Variants in EIF2S1 observed in about 807,000 individuals in gnomAD.
EIF2S1 encodes the protein eukaryotic translation initiation factor 2 subunit 1.
In EIF2S1, 5 loss-of-function variants were observed where a neutral mutation model predicts 33.5. The ratio of observed to expected loss-of-function variants is 0.15; its 90% CI spans 0.08 to 0.31. EIF2S1 has a LOEUF of 0.31. EIF2S1 is among the 10% of genes least tolerant of loss of function. EIF2S1 has a pLI of 1.00. For synonymous variants in EIF2S1, 99 were observed against 127.5 expected, an observed-to-expected ratio of 0.78 and a Z score of 1.51; for missense variants, 191 against 384.6, an observed-to-expected ratio of 0.50 and a Z score of 4.21.
At chr14:67,382,840 G>GA (rs1206269241) in intron 7 of EIF2S1, among the ~76,000 whole-genome samples, 2 of 151,104 alleles carry the variant, frequency 1.3e-5, no homozygotes, top group East Asian at 1.9e-4. Flanking sequence ...CAGAATTGGA[G>GA]AAAAAAAAAG....
intron 4 of EIF2S1, among the ~76,000 whole-genome samples, chr14:67,379,654 C>CTTTTTTTTTTTTTTTTTTTTTTTT (rs541791101): frequency 1.9e-4 from 23 of 119,952 alleles, no homozygotes; most frequent in East Asian, 1.5e-3. Flanking sequence ...TTTTCTTTTT[C>CTTTTTTTTTTTTTTTTTTTTTTTT]TTTTTTTTTT....
At position 67,375,364 on chromosome 14, in the gene EIF2S1, T is replaced by C. The variant is rs943001859; in HGVS notation, c.321+817T>C. Among the ~76,000 whole-genome samples, 5 of 151,910 alleles carry C rather than the reference T, an allele frequency of 3.3e-5. No homozygotes were observed. In the East Asian group the frequency reaches 7.7e-4, roughly 24 times the overall value. On this transcript the variant is annotated intron_variant, in intron 3 of 7. Transcript: ENST00000256383. ...ACCTCCTCCTGGGCTCAAGCGATCC[T>C]CTCGCCTCTGCCTCCCGGAATGTTT...
intron 2 of EIF2S1, among the ~76,000 whole-genome samples, chr14:67,371,645 A>G (rs940362558): frequency 6.6e-6 from 1 of 152,208 alleles, no homozygotes; most frequent in African/African-American, 2.4e-5. Context: ...GGTAGTTGTA[A>G]CACAATGGTA....
At chr14:67,363,662 A>C (rs1467251391) in intron 1 of EIF2S1, among the ~76,000 whole-genome samples, 1 of 152,182 alleles carries the variant, frequency 6.6e-6, no homozygotes, top group African/African-American at 2.4e-5. Context: ...ACTAGGGAGA[A>C]AGTTGTACCA....
chr14:67,366,603 T>G (rs2085780557), intron 2 of EIF2S1, among the ~76,000 whole-genome samples: 1 of 152,248 alleles, frequency 6.6e-6, no homozygotes, highest in South Asian at 2.1e-4. Context: ...CAGAATGAGA[T>G]CTGAATATTT....
At chr14:67,375,529 CA>C (rs34486911) in intron 3 of EIF2S1, among the ~76,000 whole-genome samples, 2,640 of 131,026 alleles carry the variant, frequency 0.02, 25 homozygotes, top group Non-Finnish European at 0.031. Context: ...GATAAAATAT[CA>C]AAAAAAAAAA....
At chr14:67,365,595 C>T (rs1409266493) in intron 2 of EIF2S1, among the ~76,000 whole-genome samples, 1 of 152,024 alleles carries the variant, frequency 6.6e-6, no homozygotes, top group Non-Finnish European at 1.5e-5. Context: ...TATTGGATGC[C>T]TTTTCTGGGC....
At chr14:67,367,260 C>G (rs1462706627) in intron 2 of EIF2S1, among the ~76,000 whole-genome samples, 1 of 152,170 alleles carries the variant, frequency 6.6e-6, no homozygotes, top group African/African-American at 2.4e-5. Flanking sequence ...GGGATGGAGT[C>G]TCACTCTGTC....
intron 2 of EIF2S1, among the ~76,000 whole-genome samples, chr14:67,368,903 A>T (rs2141133403): frequency 6.6e-6 from 1 of 152,292 alleles, no homozygotes; most frequent in African/African-American, 2.4e-5. Context: ...AAAGCCAAAG[A>T]TATATTAAAA....
chr14:67,368,344 G>T (rs1257191673), intron 2 of EIF2S1, among the ~76,000 whole-genome samples: 1 of 152,154 alleles, frequency 6.6e-6, no homozygotes, highest in African/African-American at 2.4e-5. Flanking sequence ...ATGGGCTCCA[G>T]ATTGGCTGCT....
Position 67,374,653 on chromosome 14 carries a change from A to G in EIF2S1, c.321+106A>G, listed in dbSNP as rs80120889. On this transcript the variant is annotated intron_variant, in intron 3 of 7. Transcript: ENST00000256383. Reference sequence around the variant, plus strand: ...TACCTTAAAGTATTGCTTATGATCTAATATTCTCAAATTAGTACTAGAAGT... The same window carrying G: ...TACCTTAAAGTATTGCTTATGATCTGATATTCTCAAATTAGTACTAGAAGT... 4.5e-3 allele frequency: 3,086 copies of G among 687,830 alleles called. 72 individuals carry two copies. The East Asian group carries it at 0.06, about 13-fold the overall frequency. 42.6% of individuals were successfully genotyped at this position (687,830 alleles called of 1,614,324 possible).
chr14:67,379,654 C>CTTTTTCTTTT (rs1208544946), intron 4 of EIF2S1, among the ~76,000 whole-genome samples: 3 of 119,950 alleles, frequency 2.5e-5, no homozygotes, highest in South Asian at 5.9e-4. Flanking sequence ...TTTTCTTTTT[C>CTTTTTCTTTT]TTTTTTTTTT....
intron 4 of EIF2S1, among the ~76,000 whole-genome samples, chr14:67,378,560 T>C (rs979363100): frequency 6.6e-6 from 1 of 152,216 alleles, no homozygotes; most frequent in Non-Finnish European, 1.5e-5. Context: ...GAGTTTGCAC[T>C]ATTAGCCATT....
chr14:67,378,579 C>G (rs2085870020), intron 4 of EIF2S1, among the ~76,000 whole-genome samples: 1 of 152,164 alleles, frequency 6.6e-6, no homozygotes. Flanking sequence ...TTAAACACAA[C>G]TTTATATTTC....
chr14:67,379,123 T>C (rs2085872659), intron 4 of EIF2S1, among the ~76,000 whole-genome samples: 1 of 152,226 alleles, frequency 6.6e-6, no homozygotes, highest in Non-Finnish European at 1.5e-5. Context: ...AAGAGTTGTT[T>C]AGGTAATTTT....
chr14:67,376,700 A>G (rs566584519), intron 4 of EIF2S1, 110 bp downstream of exon 4: 3 of 1,233,016 alleles, frequency 2.4e-6, no homozygotes, highest in African/African-American at 1.5e-5. Context: ...AGATTAAAAT[A>G]TTTTGTATTG....
chr14:67,383,172 G>C (rs562832659), intron 7 of EIF2S1, 143 bp from the exon 8 acceptor site: 7 of 853,072 alleles, frequency 8.2e-6, no homozygotes, highest in Non-Finnish European at 1.2e-5. Context: ...ATTTATTGCT[G>C]ATAAGTCACT....
At chr14:67,376,707 AT>A (rs1259607118) in intron 4 of EIF2S1, 117 bp downstream of exon 4, 1 of 1,134,742 alleles carries the variant, frequency 8.8e-7, no homozygotes, top group Non-Finnish European at 1.2e-6. Context: ...AATATTTTGT[AT>A]TGGCCAGTAA....
chr14:67,361,250 T>C (rs2085737687), intron 1 of EIF2S1, among the ~76,000 whole-genome samples: 1 of 152,350 alleles, frequency 6.6e-6, no homozygotes, highest in East Asian at 1.9e-4. Flanking sequence ...CGAGAAAAAG[T>C]ATAGCAGAGA....
Sources: gnomAD v4.1 joint callset for allele counts (sites outside exome capture counted in the v4.1 genomes callset) on GRCh38, gnomAD v4.1.1 for gene constraint, MANE v1.5 for transcripts, NCBI Gene and HGNC (gene_info 2026-07-23, HGNC 2026-07-21) for gene names.